Variants in OSBPL1A observed in about 807,000 individuals in gnomAD.
OSBPL1A encodes oxysterol-binding protein-related protein 1.
Under a neutral mutation model 137.1 loss-of-function variants are expected in OSBPL1A, and 80 were observed. The ratio of observed to expected loss-of-function variants is 0.58; its 90% confidence interval spans 0.49 to 0.70. The LOEUF (loss-of-function observed/expected upper bound fraction) is 0.70, where lower values mean the gene tolerates loss of function less well. Among genes scored for constraint, OSBPL1A ranks in the 30% least tolerant of loss-of-function variants. The probability of loss-of-function intolerance (pLI) is 0.00; values close to 1 mark genes in which losing one functional copy is unlikely to be tolerated. For missense variants in OSBPL1A, 970 were observed against 1,129.4 expected (o/e 0.86, Z 2.02); for synonymous variants, 365 against 389.7 (o/e 0.94, Z 0.75).
At chr18:24,348,963 T>A (rs1009321508) in intron 4 of OSBPL1A, among the ~76,000 whole-genome samples, 2 of 151,786 alleles carry the variant, frequency 1.3e-5, no homozygotes, top group African/African-American at 4.8e-5. Context: ...GCCGAGGAGT[T>A]CGAGACCAAC....
At chr18:24,345,808 T>C (rs2091337430) in intron 4 of OSBPL1A, among the ~76,000 whole-genome samples, 1 of 152,184 alleles carries the variant, frequency 6.6e-6, no homozygotes, top group African/African-American at 2.4e-5. Flanking sequence ...ACTCCCAAAC[T>C]CTCATCCCCT....
At chr18:24,212,891 G>C (rs1369740313) in intron 17 of OSBPL1A, among the ~76,000 whole-genome samples, 1 of 152,188 alleles carries the variant, frequency 6.6e-6, no homozygotes, top group African/African-American at 2.4e-5. Context: ...CATTTCAACA[G>C]AAGCAGAATT....
At chr18:24,334,674 T>C (rs902280792) in intron 5 of OSBPL1A, among the ~76,000 whole-genome samples, 2 of 152,170 alleles carry the variant, frequency 1.3e-5, no homozygotes, top group Admixed American at 1.3e-4. Flanking sequence ...CCTTAGAATG[T>C]GAAAAATAAC....
At chr18:24,324,646 C>T (rs1299101771) in intron 7 of OSBPL1A, among the ~76,000 whole-genome samples, 1 of 137,404 alleles carries the variant, frequency 7.3e-6, no homozygotes, top group Non-Finnish European at 1.5e-5. Context: ...TAGCCAGGTG[C>T]GGTGGCGCAT....
chr18:24,287,054 C>T (rs1462689967), intron 14 of OSBPL1A, among the ~76,000 whole-genome samples: 1 of 152,102 alleles, frequency 6.6e-6, no homozygotes, highest in Non-Finnish European at 1.5e-5. Flanking sequence ...GAAAAGAGTA[C>T]AAGTCACAAA....
At chr18:24,164,438 T>TTC (rs1175081006) in intron 27 of OSBPL1A, among the ~76,000 whole-genome samples, 1 of 139,140 alleles carries the variant, frequency 7.2e-6, no homozygotes, top group East Asian at 2.1e-4. Context: ...TTTTTTTTTT[T>TTC]TTTTTTTTGA....
Position 24,206,691 on chromosome 18 carries a change from C to T in OSBPL1A, c.1602-10491G>A, listed in dbSNP as rs1046576835. 1.1e-4 allele frequency among the ~76,000 whole-genome samples: 17 copies of T among 152,308 alleles called. 1 individual carries two copies. The East Asian group carries it at 3.1e-3, about 28-fold the overall frequency. On this transcript the variant is annotated intron_variant, in intron 17 of 27. Coordinates refer to ENST00000319481, the MANE Select transcript of OSBPL1A (RefSeq NM_080597.4). ...ATGCTCCTCCATTCAGGCTTCTCTT[C>T]TGCACCCAGCCTTGGGGAATGATCT...
intron 15 of OSBPL1A, among the ~76,000 whole-genome samples, chr18:24,272,962 G>C (rs1187715844): frequency 6.6e-6 from 1 of 152,168 alleles, no homozygotes; most frequent in Non-Finnish European, 1.5e-5. Context: ...CTGGAGTGTA[G>C]TGGCACAATC....
At chr18:24,328,218 A>ATTTTTTTT (rs564798076) in intron 7 of OSBPL1A, among the ~76,000 whole-genome samples, 13 of 48,612 alleles carry the variant, frequency 2.7e-4, no homozygotes, top group African/African-American at 8.2e-4. Flanking sequence ...AATTTTTTGT[A>ATTTTTTTT]TTTTTTTTTT....
chr18:24,229,224 G>A (rs1416624548), intron 16 of OSBPL1A, among the ~76,000 whole-genome samples: 1 of 151,998 alleles, frequency 6.6e-6, no homozygotes, highest in African/African-American at 2.4e-5. Context: ...TAGGTAGCGG[G>A]AAGAAATATA....
chr18:24,296,758 T>C (rs1206379417), intron 14 of OSBPL1A, among the ~76,000 whole-genome samples: 1 of 152,212 alleles, frequency 6.6e-6, no homozygotes, highest in Non-Finnish European at 1.5e-5. Flanking sequence ...TCTACTGAGA[T>C]GATCACATGG....
At chr18:24,237,029 A>G (rs1201296048) in intron 16 of OSBPL1A, among the ~76,000 whole-genome samples, 4 of 152,140 alleles carry the variant, frequency 2.6e-5, no homozygotes, top group Non-Finnish European at 5.9e-5. Flanking sequence ...TTTCTAAGAC[A>G]AGTTGTCAGG....
intron 15 of OSBPL1A, among the ~76,000 whole-genome samples, chr18:24,270,007 A>G (rs2089679869): frequency 1.3e-5 from 2 of 152,212 alleles, no homozygotes; most frequent in African/African-American, 4.8e-5. Context: ...CTGCTTCCAA[A>G]ATTAATTTGT....
intron 15 of OSBPL1A, among the ~76,000 whole-genome samples, chr18:24,265,110 G>A (rs1172404740): frequency 6.6e-6 from 1 of 152,158 alleles, no homozygotes; most frequent in Non-Finnish European, 1.5e-5. Flanking sequence ...GAGACTTTGG[G>A]ATTTTAAACA....
rs1256847472 is a variant in OSBPL1A at position 24,341,595 on chromosome 18, T to C, written c.346A>G (p.Thr116Ala). 3 of 1,613,532 alleles carry C rather than the reference T, an allele frequency of 1.9e-6. No homozygotes were observed. The highest frequency in any genetic ancestry group is 2.5e-6 in the Non-Finnish European group (3 of 1,179,742). ...DTTIVNGSGQ[T>A]AKEVTHAEEI... ...TCAGCATGAGTAACTTCTTTTGCTG[T>C]CTGTCCACTCCCATTAACAATAGTA... The change falls in exon 5 of 28, where the codon ACA becomes GCA. Residue 116 changes from threonine to alanine, a missense_variant. Thr to Ala is a moderately conservative substitution (Grantham distance 58). This residue lies in a region of OSBPL1A where 647 missense variants were observed against 672.6 expected (regional missense o/e 0.96). Transcript: ENST00000319481.
chr18:24,292,141 C>T (rs866624010), intron 14 of OSBPL1A, among the ~76,000 whole-genome samples: 2 of 152,116 alleles, frequency 1.3e-5, no homozygotes, highest in Middle Eastern at 3.4e-3. Flanking sequence ...CTTCAAAATG[C>T]TAGTGGAAGA....
chr18:24,267,756 A>G (rs981896077), intron 15 of OSBPL1A, among the ~76,000 whole-genome samples: 1 of 152,190 alleles, frequency 6.6e-6, no homozygotes, highest in African/African-American at 2.4e-5. Flanking sequence ...ATTTTCAACA[A>G]TATATGAAAG....
At chr18:24,171,111 T>G (rs1215941041) in intron 23 of OSBPL1A, among the ~76,000 whole-genome samples, 2 of 151,874 alleles carry the variant, frequency 1.3e-5, no homozygotes. Flanking sequence ...CTCGGCTCAC[T>G]GCAACCTCCG....
chr18:24,395,537 A>T (rs1357421351), intron 1 of OSBPL1A, among the ~76,000 whole-genome samples: 1 of 152,184 alleles, frequency 6.6e-6, no homozygotes, highest in Non-Finnish European at 1.5e-5. Context: ...CTCAAAAAAG[A>T]CTGGCTGTAT....
Sources: allele counts gnomAD v4.1 joint callset (sites outside exome capture counted in the v4.1 genomes callset), GRCh38; gene constraint gnomAD v4.1.1; regional missense constraint gnomAD v4.1.1; transcripts MANE v1.5; gene names NCBI Gene and HGNC (gene_info 2026-07-23, HGNC 2026-07-21).